Variants in CLIP2 observed in about 807,000 individuals in gnomAD.
CLIP2 encodes the protein CAP-Gly domain containing linker protein 2.
In CLIP2, 41 loss-of-function variants were observed where a neutral mutation model predicts 111.7. The observed-to-expected ratio is 0.37, with a 90% CI of 0.29 to 0.48. The LOEUF (loss-of-function observed/expected upper bound fraction) is 0.48, where lower values mean the gene tolerates loss of function less well. Ranked by LOEUF, CLIP2 falls within the 20% of genes least tolerant of loss-of-function variation. The pLI, the probability that CLIP2 is intolerant of heterozygous loss-of-function variation, is 0.99. For synonymous variants in CLIP2, 660 were observed against 644.2 expected, an observed-to-expected ratio of 1.02 and a Z score of -0.37; for missense variants, 1,160 against 1,422.1, an observed-to-expected ratio of 0.82 and a Z score of 2.96.
At chr7:74,365,547 T>G (rs1790454690) in intron 8 of CLIP2, among the ~76,000 whole-genome samples, 1 of 152,198 alleles carries the variant, frequency 6.6e-6, no homozygotes, top group African/African-American at 2.4e-5. Flanking sequence ...GCCAATGGGC[T>G]GGCTGGCTCT....
intron 1 of CLIP2, among the ~76,000 whole-genome samples, chr7:74,299,488 G>A (rs1165514251): frequency 6.6e-6 from 1 of 152,182 alleles, no homozygotes; most frequent in East Asian, 1.9e-4. Flanking sequence ...CATAGCAGGT[G>A]CTCATGGCCT....
chr7:74,346,409 G>A (rs1789797157), intron 3 of CLIP2, among the ~76,000 whole-genome samples: 1 of 152,160 alleles, frequency 6.6e-6, no homozygotes, highest in Admixed American at 6.6e-5. Context: ...TGCCACTGGG[G>A]CCAGGAACAG....
intron 3 of CLIP2, among the ~76,000 whole-genome samples, chr7:74,347,287 A>G (rs1554306507): frequency 6.6e-6 from 1 of 152,024 alleles, no homozygotes; most frequent in African/African-American, 2.4e-5. Context: ...TTTTCTTTTT[A>G]AGATGGAGTC....
intron 13 of CLIP2, among the ~76,000 whole-genome samples, chr7:74,395,890 ACCTTTGCAGTGCTCCCCG>A (rs1791432988): frequency 1.3e-5 from 2 of 152,186 alleles, no homozygotes; most frequent in African/African-American, 4.8e-5. Flanking sequence ...CAGTGCCAAC[ACCTTTGCAGTGCTCCCCG>A]CCTCATGATT....
intron 16 of CLIP2, among the ~76,000 whole-genome samples, chr7:74,403,229 A>G (rs1400818657): frequency 6.6e-6 from 1 of 151,546 alleles, no homozygotes; most frequent in Non-Finnish European, 1.5e-5. Flanking sequence ...AAAAAAAAAA[A>G]AAAGAGAGAG....
At chr7:74,295,987 T>TC (rs1404733844) in intron 1 of CLIP2, among the ~76,000 whole-genome samples, 6 of 70,422 alleles carry the variant, frequency 8.5e-5, no homozygotes, top group African/African-American at 5.9e-4. Context: ...AAACCCTGTC[T>TC]CCAAAAAAAA....
At chr7:74,344,209 G>C (rs782388887) in intron 3 of CLIP2, among the ~76,000 whole-genome samples, 1 of 152,226 alleles carries the variant, frequency 6.6e-6, no homozygotes, top group Non-Finnish European at 1.5e-5. Flanking sequence ...AGGGCATGAG[G>C]TGGGCACTGC....
At chr7:74,395,125 G>A (rs1286269404) in intron 13 of CLIP2, among the ~76,000 whole-genome samples, 5 of 151,772 alleles carry the variant, frequency 3.3e-5, no homozygotes, top group African/African-American at 9.7e-5. Context: ...CATCAGTTAT[G>A]AGATTCCTCC....
At chr7:74,393,928 T>C (rs1214842138) in intron 13 of CLIP2, among the ~76,000 whole-genome samples, 1 of 152,142 alleles carries the variant, frequency 6.6e-6, no homozygotes, top group African/African-American at 2.4e-5. Flanking sequence ...AGGGCTGCCC[T>C]CCCTCCCCTG....
chr7:74,310,036 CAAAAAAAAAAA>C lies in CLIP2; in HGVS notation c.-67-7412_-67-7402del, dbSNP rs71094774. Among the ~76,000 whole-genome samples the C allele has an allele frequency of 1.4e-4, 13 of 92,476 alleles. No individual in the cohort carries two copies. In the East Asian group the frequency reaches 1.9e-3, roughly 13 times the overall value. The allele number at this position is 92,476 out of a possible 152,430, so 60.7% of individuals were successfully genotyped here. ...GCAATATGGCAAGACCCTGTCTCTA[CAAAAAAAAAAA>C]AAAAAAAAAAAAAAAAAAAAAAAAA... On this transcript the variant is annotated intron_variant, in intron 1 of 16. Coordinates refer to ENST00000223398, the MANE Select transcript of CLIP2 (RefSeq NM_003388.5).
At chr7:74,393,161 G>A (rs573979956) in intron 13 of CLIP2, among the ~76,000 whole-genome samples, 3 of 149,862 alleles carry the variant, frequency 2.0e-5, no homozygotes, top group East Asian at 4.0e-4. Context: ...TCAGCCTCCC[G>A]AGTAGCTGGG....
At position 74,362,533 on chromosome 7, in the gene CLIP2, T is replaced by TC. The variant is rs1790361959; in HGVS notation, c.1320-1722_1320-1721insC. 6.1e-5 allele frequency among the ~76,000 whole-genome samples: 9 copies of TC among 147,080 alleles called. 1 individual carries two copies. In the South Asian group the frequency reaches 1.8e-3, roughly 29 times the overall value. On this transcript the variant is annotated intron_variant, in intron 7 of 16. Transcript: ENST00000223398. ...TCTTTTTTTCTTTTTCTTTTCTTTTTTTTTTTTTTTTTTGTTTCTTTAGAC... is the reference window on the plus strand; with the variant it reads ...TCTTTTTTTCTTTTTCTTTTCTTTTTCTTTTTTTTTTTTTGTTTCTTTAGAC...
intron 1 of CLIP2, among the ~76,000 whole-genome samples, chr7:74,315,959 G>A (rs368501082): frequency 3.3e-5 from 5 of 150,858 alleles, no homozygotes; most frequent in Non-Finnish European, 7.4e-5. Context: ...TGCCATGGTG[G>A]TTTGCTGCAC....
chr7:74,310,366 TA>T (rs1417205384), intron 1 of CLIP2, among the ~76,000 whole-genome samples: 1 of 150,016 alleles, frequency 6.7e-6, no homozygotes, highest in Non-Finnish European at 1.5e-5. Flanking sequence ...CTGCAAAAAA[TA>T]AAAAGTTAGC....
At chr7:74,309,461 A>G (rs1788585106) in intron 1 of CLIP2, among the ~76,000 whole-genome samples, 1 of 152,210 alleles carries the variant, frequency 6.6e-6, no homozygotes, top group Non-Finnish European at 1.5e-5. Flanking sequence ...CCAGGCAACC[A>G]CTAATCTGCA....
At chr7:74,357,523 C>T (rs1790184452) in intron 6 of CLIP2, 46 bp downstream of exon 6, 1 of 1,556,304 alleles carries the variant, frequency 6.4e-7, no homozygotes, top group African/African-American at 1.4e-5. Flanking sequence ...CAGCCAGCCT[C>T]ATAGAGTCTC....
intron 3 of CLIP2, among the ~76,000 whole-genome samples, chr7:74,352,488 GTTAT>G (rs562220841): frequency 8.6e-4 from 131 of 151,864 alleles, no homozygotes; most frequent in African/African-American, 3.1e-3. Context: ...ATCAAAGATA[GTTAT>G]TTATAGGAAA....
rs1448814242 is a variant in CLIP2 at position 74,405,427 on chromosome 7, T to G, written c.*1579T>G. The G allele has an allele frequency of 6.6e-6, 1 of 152,558 alleles. No individual in the cohort carries two copies. Among genetic ancestry groups the G allele is most frequent in the Non-Finnish European group, 1.5e-5 (1 of 68,072 alleles). 9.5% of individuals were successfully genotyped at this position (152,558 alleles called of 1,614,324 possible). On this transcript the variant is annotated 3_prime_UTR_variant, in exon 17 of 17. Transcript: ENST00000223398. Reference sequence around the variant, plus strand: ...ATAGGAACGGCCCAGATCGCCCTCATGAGTGCCACCTGGTACAGGTAGGTG... The same window carrying G: ...ATAGGAACGGCCCAGATCGCCCTCAGGAGTGCCACCTGGTACAGGTAGGTG...
chr7:74,399,610 G>GC (rs1270325683), intron 14 of CLIP2, among the ~76,000 whole-genome samples: 1 of 151,076 alleles, frequency 6.6e-6, no homozygotes, highest in African/African-American at 2.4e-5. Context: ...CATGATCTTG[G>GC]CTCACTGCAA....
Sources: gnomAD v4.1 joint callset for allele counts (sites outside exome capture counted in the v4.1 genomes callset) on GRCh38, gnomAD v4.1.1 for gene constraint, MANE v1.5 for transcripts, NCBI Gene and HGNC (gene_info 2026-07-23, HGNC 2026-07-21) for gene names.